ETV4: variants seen among roughly 807,000 people sequenced by gnomAD.
ETV4 encodes the protein ETS translocation variant 4.
A neutral mutation model predicts 65.9 loss-of-function variants in ETV4; 42 were observed. That is an observed-to-expected ratio of 0.64 (90% CI 0.50 to 0.82). ETV4 has a LOEUF of 0.82. Among genes scored for constraint, ETV4 ranks in the 40% least tolerant of loss-of-function variants. ETV4 has a pLI of 0.00. For synonymous variants in ETV4, 238 were observed against 260.0 expected (o/e 0.92, Z 0.81); for missense variants, 583 against 630.3 (o/e 0.92, Z 0.80).
At chr17:43,530,605 C>CGTGT (rs1491056166) in intron 8 of ETV4, among the ~76,000 whole-genome samples, 1 of 45,534 alleles carries the variant, frequency 2.2e-5, no homozygotes, top group Non-Finnish European at 4.9e-5. Context: ...CCTGTGCACG[C>CGTGT]GCGCGTGTGT....
In ETV4 at chr17:43,545,661, G is replaced by A. The variant is rs754217060; in HGVS notation, c.-44C>T. The A allele has an allele frequency of 1.0e-5, 16 of 1,533,506 alleles. No individual in the cohort carries two copies. Among genetic ancestry groups the A allele is most frequent in the African/African-American group, 9.6e-5 (7 of 72,668 alleles). The allele number at this position is 1,533,506 out of a possible 1,614,324, so 95.0% of individuals were successfully genotyped here. A position where few individuals can be genotyped will look rare whatever the true frequency, so the allele number is the denominator to read the frequency against. ...CGCACGGCCGGGGCCCCAAGCGGGGGCCGAGACCTGGTGGGGGAGGGGGCT... is the reference window on the plus strand; with the variant it reads ...CGCACGGCCGGGGCCCCAAGCGGGGACCGAGACCTGGTGGGGGAGGGGGCT... On this transcript the variant is annotated 5_prime_UTR_variant, in exon 2 of 13. Transcript: ENST00000319349.
Position 43,545,612 on chromosome 17 carries a change from C to G in ETV4, c.6G>C (p.Glu2Asp), listed in dbSNP as rs769832778. 11 of 1,550,988 alleles carry G rather than the reference C, an allele frequency of 7.1e-6. 1 individual carries two copies. Among genetic ancestry groups the G allele is most frequent in the Non-Finnish European group, 7.8e-6 (9 of 1,146,978 alleles). Residue 2 changes from glutamate (E) to aspartate (D), a missense_variant, in exon 2 of 13, where the codon GAG (glutamate) becomes GAC (aspartate). Coordinates refer to ENST00000319349, the MANE Select transcript of ETV4 (RefSeq NM_001079675.5). ...CCAAGTATCCGGCTTTCATCCTCCG[C>G]TCCATCCGGCCGCTCCCTCCGGCCG... M[E>D]RRMKAGYLDQ...
intron 2 of ETV4, 26 bp from the exon 3 acceptor site, chr17:43,545,393 C>G: frequency 6.5e-7 from 1 of 1,548,616 alleles, no homozygotes; most frequent in Non-Finnish European, 8.8e-7. Context: ...AGAATGCCCG[C>G]GAGTCACCCT....
chr17:43,533,156 C>A, intron 7 of ETV4, 31 bp downstream of exon 7: 2 of 1,609,750 alleles, frequency 1.2e-6, no homozygotes, highest in African/African-American at 1.3e-5. Context: ...ACACCTGGGC[C>A]CATGAGCAGT....
rs761905265 is a variant in ETV4 at position 43,528,547 on chromosome 17, A to G, written c.1427T>C (p.Phe476Ser). 10 of 1,612,392 alleles carry G rather than the reference A, an allele frequency of 6.2e-6. No individual in the cohort carries two copies. Among genetic ancestry groups the G allele is most frequent in the South Asian group, 1.1e-5 (1 of 91,052 alleles). The change falls in exon 13 of 13, where the codon TTT becomes TCT. Residue 476 changes from phenylalanine (F) to serine (S), a missense_variant. Physicochemically the swap from Phe to Ser is radical, Grantham distance 155. Coordinates refer to ENST00000319349, the MANE Select transcript of ETV4 (RefSeq NM_001079675.5). ...LPELAGPAQP[F>S]GPKGGYSY ...GTAAGAGTAGCCACCCTTGGGGCCAAATGGCTGGGCGGGGCCAGCCAGCTC... is the reference window on the plus strand; with the variant it reads ...GTAAGAGTAGCCACCCTTGGGGCCAGATGGCTGGGCGGGGCCAGCCAGCTC...
intron 4 of ETV4, among the ~76,000 whole-genome samples, chr17:43,541,970 C>T (rs532908657): frequency 6.6e-6 from 1 of 152,298 alleles, no homozygotes; most frequent in Admixed American, 6.5e-5. Context: ...TTCAGGGATG[C>T]ACACACCCTA....
chr17:43,536,536 G>C, intron 4 of ETV4, 57 bp from the exon 5 acceptor site: 1 of 1,522,830 alleles, frequency 6.6e-7, no homozygotes, highest in Non-Finnish European at 9.1e-7. Flanking sequence ...CCCCTGGGAG[G>C]CTCCATTATT....
In ETV4 at chr17:43,528,522, G is replaced by A. The variant is rs763477409; in HGVS notation, c.1452C>T (p.Tyr484=). 20 of 1,603,124 alleles carry A rather than the reference G, an allele frequency of 1.2e-5. No individual in the cohort carries two copies. Among genetic ancestry groups the A allele is most frequent in the Non-Finnish European group, 1.4e-5 (16 of 1,173,092 alleles). Residue 484 remains tyrosine (Y), a synonymous_variant, in exon 13 of 13, where the codon TAC becomes TAT. Transcript: ENST00000319349. ...CAGGGGGAACAGCCGCTGGGGGCTA[G>A]TAAGAGTAGCCACCCTTGGGGCCAA... ...QPFGPKGGYS[Y]
chr17:43,528,459 A>AT lies in ETV4; in HGVS notation c.*59dup. On this transcript the variant is annotated 3_prime_UTR_variant, in exon 13 of 13. Transcript: ENST00000319349. Reference sequence around the variant, plus strand: ...CAGATGAAGGTTTCCCCAACACCAGATTCATTTATATGTACACAGGGCAGC... The same window carrying AT: ...CAGATGAAGGTTTCCCCAACACCAGATTTCATTTATATGTACACAGGGCAGC... 1.7e-6 allele frequency: 2 copies of AT among 1,172,570 alleles called. No homozygotes were observed. The highest frequency in any genetic ancestry group is 1.5e-5 in the African/African-American group (1 of 65,274). The allele number at this position is 1,172,570 out of a possible 1,614,324, so 72.6% of individuals were successfully genotyped here.
In ETV4 at chr17:43,529,649, G is replaced by A. The variant is rs762542952; in HGVS notation, c.983C>T (p.Ala328Val). The A allele has an allele frequency of 6.2e-7, 1 of 1,613,454 alleles. No individual in the cohort carries two copies. Among genetic ancestry groups the A allele is most frequent in the East Asian group, 2.2e-5 (1 of 44,842 alleles). ...EGDIKQEGVG[A>V]FREGPPYQRR... ...CTGGTAGGGCGGCCCCTCTCGAAAT[G>A]CACCGACCCCTTCCTGCTTGATGTC... Residue 328 changes from alanine to valine, a missense_variant, in exon 11 of 13, where the codon GCA becomes GTA. By Grantham distance (64) the Ala-to-Val change is moderately conservative. Transcript: ENST00000319349.
At position 43,533,939 on chromosome 17, in the gene ETV4, A is replaced by G. The variant is rs763887615; in HGVS notation, c.303T>C (p.Ser101=). The G allele has an allele frequency of 1.7e-5, 27 of 1,549,662 alleles. No homozygotes were observed. The Admixed American group carries it at 4.7e-4, about 27-fold the overall frequency. Residue 101 remains serine, a synonymous_variant, in exon 6 of 13, where the codon AGT becomes AGC. Transcript: ENST00000319349. ...PTTRIKKEPQ[S]PRTDPALSCS... ...AGGACAGGGCCGGGTCTGTGCGGGG[A>G]CTCTGGGGCTCCTTCTTGATCCTGG... is the stretch of plus-strand genomic sequence containing the variant.
At position 43,532,660 on chromosome 17, in the gene ETV4, C is replaced by T. The variant is rs1178006440; in HGVS notation, c.811+14G>A. ...CTTGATCACATGCCACCCTGCCCCA[C>T]CCCAGTCTCTTACCTGAGTCGTAGG... is the stretch of plus-strand genomic sequence containing the variant. On this transcript the variant is annotated intron_variant, in intron 8 of 12. Transcript: ENST00000319349. 1.2e-6 allele frequency: 2 copies of T among 1,606,096 alleles called. No homozygotes were observed. Among genetic ancestry groups the T allele is most frequent in the Admixed American group, 1.7e-5 (1 of 59,640 alleles).
chr17:43,533,861 G>C lies in ETV4; in HGVS notation c.381C>G (p.Ser127=). 6.2e-7 allele frequency: 1 copy of C among 1,606,870 alleles called. No homozygotes were observed. The highest frequency in any genetic ancestry group is 1.1e-5 in the South Asian group (1 of 89,926). Residue 127 remains serine, a splice_region_variant and synonymous_variant, in exon 6 of 13, where the codon TCC becomes TCG. Coordinates refer to ENST00000319349, the MANE Select transcript of ETV4 (RefSeq NM_001079675.5). ...PYHHGEQCLY[S]SAYDPPRQIA... ...ACCAGGTCCAGGCTGGGGCTCACCT[G>C]GAGTAAAGGCACTGCTCGCCATGGT...
At chr17:43,530,964 G>C (rs1046427976) in intron 8 of ETV4, among the ~76,000 whole-genome samples, 5 of 152,132 alleles carry the variant, frequency 3.3e-5, no homozygotes, top group African/African-American at 9.7e-5. Context: ...GCTGGGGGGA[G>C]GGGCAGGAGT....
intron 3 of ETV4, 124 bp from the exon 4 acceptor site, chr17:43,545,146 T>C: frequency 1.5e-6 from 2 of 1,307,960 alleles, no homozygotes; most frequent in South Asian, 2.4e-5. Flanking sequence ...CCAAAATCCC[T>C]TGGAGGGCGA....
intron 4 of ETV4, among the ~76,000 whole-genome samples, chr17:43,537,278 T>A (rs962248542): frequency 6.6e-6 from 1 of 152,048 alleles, no homozygotes; most frequent in Non-Finnish European, 1.5e-5. Context: ...GACAGAAGAA[T>A]CGCTTGAACC....
intron 11 of ETV4, 128 bp from the exon 12 acceptor site, chr17:43,529,364 C>T: frequency 7.2e-7 from 1 of 1,398,010 alleles, no homozygotes; most frequent in Non-Finnish European, 1.0e-6. Flanking sequence ...AAGCATCAGC[C>T]CACAGACTTA....
At chr17:43,530,431 C>T in intron 8 of ETV4, 1 of 1,398,494 alleles carries the variant, frequency 7.2e-7, no homozygotes, top group Admixed American at 3.0e-5. Context: ...GGGGGCTGGG[C>T]AAGCTGTTCT....
intron 4 of ETV4, among the ~76,000 whole-genome samples, chr17:43,540,734 C>CT (rs1971477257): frequency 6.6e-6 from 1 of 152,140 alleles, no homozygotes; most frequent in Admixed American, 6.5e-5. Context: ...CCCAGGGATG[C>CT]AAAGCCAGGC....
Sources: gnomAD v4.1 joint callset for allele counts (sites outside exome capture counted in the v4.1 genomes callset) on GRCh38, gnomAD v4.1.1 for gene constraint, MANE v1.5 for transcripts, NCBI Gene and HGNC (gene_info 2026-07-23, HGNC 2026-07-21) for gene names.